CNTNAP2: variants seen among roughly 807,000 people sequenced by gnomAD.
CNTNAP2 encodes contactin-associated protein-like 2.
Under a neutral mutation model 155.2 loss-of-function variants are expected in CNTNAP2, and 98 were observed. That is an observed-to-expected ratio of 0.63 (90% CI 0.54 to 0.75). The LOEUF is 0.75. Ranked by LOEUF, CNTNAP2 falls within the 30% of genes least tolerant of loss-of-function variation. The probability of loss-of-function intolerance (pLI) is 0.00; values close to 1 mark genes in which losing one functional copy is unlikely to be tolerated. For missense variants in CNTNAP2, 1,727 were observed against 1,688.1 expected (o/e 1.02, Z -0.40); for synonymous variants, 651 against 631.2 (o/e 1.03, Z -0.47).
chr7:148,288,944 CAAAAAAAAAAAAAAA>C (rs58641348), intron 21 of CNTNAP2, among the ~76,000 whole-genome samples: 1 of 101,794 alleles, frequency 9.8e-6, no homozygotes, highest in Non-Finnish European at 1.9e-5. Context: ...TCTTATTCAG[CAAAAAAAAAAAAAAA>C]AAAAAAAAAA....
intron 13 of CNTNAP2, among the ~76,000 whole-genome samples, chr7:147,745,991 C>T (rs80154987): frequency 0.032 from 4,801 of 152,166 alleles, 241 homozygotes; most frequent in African/African-American, 0.11. Flanking sequence ...AATTGTTTAA[C>T]ACAAGGAAAA....
rs147644424 is a variant in CNTNAP2 at position 147,289,407 on chromosome 7, A to T, written c.1349-10734A>T. On this transcript the variant is annotated intron_variant, in intron 8 of 23. Coordinates refer to ENST00000361727, the MANE Select transcript of CNTNAP2 (RefSeq NM_014141.6). ...TATTCAACAGAGAATCAAATACTAA[A>T]AAAAAAACAGGAGAGACAATTGGGG... 7.4e-3 allele frequency among the ~76,000 whole-genome samples: 1,133 copies of T among 152,238 alleles called. 22 individuals are homozygous for T. The highest frequency in any genetic ancestry group is 0.026 in the African/African-American group (1,068 of 41,564).
chr7:148,198,797 A>G (rs959077423), intron 18 of CNTNAP2, among the ~76,000 whole-genome samples: 2 of 152,234 alleles, frequency 1.3e-5, no homozygotes, highest in African/African-American at 4.8e-5. Context: ...GAGAGAAAAC[A>G]TATTTAGGAG....
intron 1 of CNTNAP2, among the ~76,000 whole-genome samples, chr7:146,487,059 T>G (rs1165303181): frequency 6.6e-6 from 1 of 152,210 alleles, no homozygotes; most frequent in Non-Finnish European, 1.5e-5. Flanking sequence ...ATAATAGTTT[T>G]CTTTAGAGAA....
chr7:147,609,952 T>C (rs2116875196), intron 12 of CNTNAP2, among the ~76,000 whole-genome samples: 1 of 152,182 alleles, frequency 6.6e-6, no homozygotes, highest in East Asian at 1.9e-4. Context: ...AGGGTTCACC[T>C]CCAGGCTCCC....
chr7:147,124,815 AAGT>A (rs1801200156), intron 6 of CNTNAP2, among the ~76,000 whole-genome samples: 1 of 151,892 alleles, frequency 6.6e-6, no homozygotes, highest in South Asian at 2.1e-4. Context: ...ATCATGAAAG[AAGT>A]GATGGAATAC....
At chr7:146,360,016 C>T (rs1364399937) in intron 1 of CNTNAP2, among the ~76,000 whole-genome samples, 2 of 152,158 alleles carry the variant, frequency 1.3e-5, no homozygotes, top group Non-Finnish European at 2.9e-5. Context: ...ATGCAAACTT[C>T]TTAACATAAA....
intron 16 of CNTNAP2, among the ~76,000 whole-genome samples, chr7:148,137,300 G>T (rs959609733): frequency 4.6e-5 from 7 of 152,330 alleles, no homozygotes; most frequent in Middle Eastern, 6.8e-3. Flanking sequence ...TGCATCTCTT[G>T]TGACGATTCT....
chr7:148,308,624 G>A (rs1046640325), intron 21 of CNTNAP2, among the ~76,000 whole-genome samples: 1 of 150,808 alleles, frequency 6.6e-6, no homozygotes, highest in African/African-American at 2.4e-5. Context: ...TGTACGGAAC[G>A]TGCAGTTTTG....
intron 13 of CNTNAP2, among the ~76,000 whole-genome samples, chr7:147,866,946 A>G (rs1055675657): frequency 2.0e-5 from 3 of 152,180 alleles, no homozygotes; most frequent in African/African-American, 7.2e-5. Flanking sequence ...TAGCCCATTT[A>G]CATTTAAGGT....
intron 21 of CNTNAP2, among the ~76,000 whole-genome samples, chr7:148,329,503 G>A (rs1432478456): frequency 1.3e-5 from 2 of 152,144 alleles, no homozygotes; most frequent in East Asian, 3.9e-4. Flanking sequence ...AGGAACAAAT[G>A]TGCGGGCTGT....
chr7:147,123,230 T>C (rs1801156962), intron 6 of CNTNAP2, among the ~76,000 whole-genome samples: 1 of 152,194 alleles, frequency 6.6e-6, no homozygotes, highest in Admixed American at 6.5e-5. Context: ...ATGTGACTTA[T>C]CTCCCAATGT....
intron 1 of CNTNAP2, among the ~76,000 whole-genome samples, chr7:146,745,582 C>A (rs1466085081): frequency 6.6e-6 from 1 of 151,960 alleles, no homozygotes; most frequent in Non-Finnish European, 1.5e-5. Context: ...TCCTGGCCAA[C>A]ATGATGAAAC....
chr7:148,244,676 C>A (rs1277629703), intron 20 of CNTNAP2, among the ~76,000 whole-genome samples: 2 of 151,746 alleles, frequency 1.3e-5, no homozygotes, highest in Admixed American at 1.3e-4. Context: ...GATCCTCCTG[C>A]CTCAGCCTCC....
intron 18 of CNTNAP2, among the ~76,000 whole-genome samples, chr7:148,186,834 C>G (rs1445496099): frequency 1.3e-5 from 2 of 152,164 alleles, no homozygotes; most frequent in Non-Finnish European, 2.9e-5. Context: ...AACTAATATG[C>G]TGACACACGG....
At chr7:148,061,920 TATAG>T (rs112163050) in intron 15 of CNTNAP2, among the ~76,000 whole-genome samples, 8,093 of 125,434 alleles carry the variant, frequency 0.065, 961 homozygotes, top group African/African-American at 0.22. Flanking sequence ...GATAAACAGA[TATAG>T]ATAGATAGAT....
chr7:147,011,124 A>G (rs1011589415), intron 3 of CNTNAP2, among the ~76,000 whole-genome samples: 52 of 151,990 alleles, frequency 3.4e-4, no homozygotes, highest in Non-Finnish European at 3.5e-4. Context: ...GTGATATAGA[A>G]CTATCAAGGC....
At chr7:148,333,384 C>T (rs927052432) in intron 21 of CNTNAP2, among the ~76,000 whole-genome samples, 7 of 151,386 alleles carry the variant, frequency 4.6e-5, no homozygotes, top group Non-Finnish European at 8.8e-5. Context: ...GCCGAGATTG[C>T]GCGACTGTGC....
At chr7:147,094,535 G>A (rs1800485197) in intron 4 of CNTNAP2, among the ~76,000 whole-genome samples, 1 of 151,510 alleles carries the variant, frequency 6.6e-6, no homozygotes, top group African/African-American at 2.4e-5. Flanking sequence ...CCGCGTAGCT[G>A]GGACTACAGG....
Sources: allele counts gnomAD v4.1 joint callset (sites outside exome capture counted in the v4.1 genomes callset), GRCh38; gene constraint gnomAD v4.1.1; transcripts MANE v1.5; gene names NCBI Gene and HGNC (gene_info 2026-07-23, HGNC 2026-07-21).